GRID2: variants seen among roughly 807,000 people sequenced by gnomAD.
GRID2 encodes the protein glutamate ionotropic receptor delta type subunit 2.
GRID2 carries 33 observed loss-of-function variants against 114.8 expected under a neutral mutation model. The observed-to-expected ratio is 0.29, with a 90% confidence interval of 0.22 to 0.38. The LOEUF (loss-of-function observed/expected upper bound fraction) is 0.38, where lower values mean the gene tolerates loss of function less well. GRID2 is among the 10% of genes least tolerant of loss of function. The pLI, the probability that GRID2 is intolerant of heterozygous loss-of-function variation, is 1.00. For synonymous variants in GRID2, 505 were observed against 449.9 expected (o/e 1.12, Z -1.55); for missense variants, 1,184 against 1,257.7 (o/e 0.94, Z 0.89).
intron 2 of GRID2, among the ~76,000 whole-genome samples, chr4:92,937,988 A>C (rs956852887): frequency 6.8e-6 from 1 of 146,878 alleles, no homozygotes; most frequent in Non-Finnish European, 1.5e-5. Context: ...GTTTTCCACA[A>C]ATGCCCTTTA....
At chr4:93,019,364 C>T (rs192481443) in intron 2 of GRID2, among the ~76,000 whole-genome samples, 4 of 152,156 alleles carry the variant, frequency 2.6e-5, no homozygotes, top group African/African-American at 9.6e-5. Context: ...TTGAGTTTTT[C>T]AAGCTGTCTT....
chr4:93,539,247 A>C (rs1316635616), intron 13 of GRID2, among the ~76,000 whole-genome samples: 1 of 151,972 alleles, frequency 6.6e-6, no homozygotes, highest in Non-Finnish European at 1.5e-5. Context: ...AATTGTACTC[A>C]TATCAATATA....
intron 2 of GRID2, among the ~76,000 whole-genome samples, chr4:92,606,237 C>G (rs1031839744): frequency 6.6e-6 from 1 of 151,998 alleles, no homozygotes; most frequent in Non-Finnish European, 1.5e-5. Flanking sequence ...TTATTCATAA[C>G]TTATCACATC....
rs538140393 is a variant in GRID2 at position 93,726,692 on chromosome 4, G to A, written c.2361-42518G>A. On this transcript the variant is annotated intron_variant, in intron 14 of 15. Transcript: ENST00000282020. ...GTGGTTTGTAGTTCTCCTTGAAGAG[G>A]TCCTTCACATCTCTTGTAAGTTGAA... Among the ~76,000 whole-genome samples the A allele has an allele frequency of 1.1e-4, 16 of 150,476 alleles. No individual in the cohort carries two copies. In the South Asian group the frequency reaches 3.4e-3, roughly 32 times the overall value.
intron 2 of GRID2, among the ~76,000 whole-genome samples, chr4:93,069,948 G>A (rs932681941): frequency 2.0e-5 from 3 of 152,016 alleles, no homozygotes; most frequent in African/African-American, 7.2e-5. Context: ...GGGCTTACTT[G>A]GTTGTTGGTT....
intron 2 of GRID2, among the ~76,000 whole-genome samples, chr4:92,746,390 C>G (rs952440642): frequency 6.6e-6 from 1 of 151,862 alleles, no homozygotes; most frequent in African/African-American, 2.4e-5. Flanking sequence ...TAGTTTTATC[C>G]TATGATTAGT....
At chr4:93,488,220 TC>T (rs142885213) in intron 11 of GRID2, among the ~76,000 whole-genome samples, 2,223 of 152,036 alleles carry the variant, frequency 0.015, 48 homozygotes, top group East Asian at 0.11. Context: ...GACCAGAAAA[TC>T]CTCATATGGA....
chr4:92,304,584 A>C lies in GRID2; in HGVS notation c.-73A>C. 1 of 996,244 alleles carries C rather than the reference A, an allele frequency of 1.0e-6. No homozygotes were observed. Among genetic ancestry groups the C allele is most frequent in the Non-Finnish European group, 1.6e-6 (1 of 621,686 alleles). The allele number at this position is 996,244 out of a possible 1,614,324, so 61.7% of individuals were successfully genotyped here. A position where few individuals can be genotyped will look rare whatever the true frequency, so the allele number is the denominator to read the frequency against. ...TGCGCTAAACTCCACCGTGACCTCA[A>C]ACTCTTTGGACTGTTTGAAAAAAAA... On this transcript the variant is annotated 5_prime_UTR_variant, in exon 1 of 16. Transcript: ENST00000282020.
At chr4:93,725,058 T>A (rs1199971588) in intron 14 of GRID2, among the ~76,000 whole-genome samples, 1 of 152,182 alleles carries the variant, frequency 6.6e-6, no homozygotes, top group Non-Finnish European at 1.5e-5. Context: ...TATGTATACA[T>A]GTGCCATGTT....
intron 8 of GRID2, among the ~76,000 whole-genome samples, chr4:93,382,424 C>A (rs1763941798): frequency 6.6e-6 from 1 of 151,876 alleles, no homozygotes; most frequent in Non-Finnish European, 1.5e-5. Flanking sequence ...TTTCTTTAAT[C>A]TTTTTTCTTT....
intron 1 of GRID2, among the ~76,000 whole-genome samples, chr4:92,425,683 T>C (rs113402155): frequency 0.019 from 2,947 of 152,196 alleles, 96 homozygotes; most frequent in African/African-American, 0.068. Context: ...CAGGCATTAC[T>C]GAAGTGCCAA....
intron 14 of GRID2, among the ~76,000 whole-genome samples, chr4:93,673,323 TA>T (rs895988435): frequency 2.6e-5 from 4 of 152,284 alleles, no homozygotes; most frequent in African/African-American, 9.6e-5. Context: ...TTTTATGTTT[TA>T]AAAAAATTAT....
chr4:92,870,023 C>T (rs1460196328), intron 2 of GRID2, among the ~76,000 whole-genome samples: 33 of 151,350 alleles, frequency 2.2e-4, no homozygotes, highest in South Asian at 2.1e-4. Context: ...AGTGAGACCC[C>T]GTCTCCACAA....
chr4:92,972,419 G>A (rs1412584709), intron 2 of GRID2, among the ~76,000 whole-genome samples: 2 of 151,778 alleles, frequency 1.3e-5, no homozygotes, highest in South Asian at 4.2e-4. Flanking sequence ...GACTGTGGGG[G>A]ACATGAATAA....
intron 13 of GRID2, among the ~76,000 whole-genome samples, chr4:93,594,597 A>T (rs1457270978): frequency 2.6e-5 from 4 of 151,796 alleles, no homozygotes; most frequent in East Asian, 3.9e-4. Flanking sequence ...TCGAGCTTCC[A>T]GGCTGCTTTG....
At chr4:93,376,971 A>G (rs1285034367) in intron 8 of GRID2, among the ~76,000 whole-genome samples, 1 of 152,244 alleles carries the variant, frequency 6.6e-6, no homozygotes, top group East Asian at 1.9e-4. Flanking sequence ...GTACCTGCAC[A>G]TGAACTAAAA....
chr4:93,456,172 C>T (rs1449291273), intron 11 of GRID2, among the ~76,000 whole-genome samples, 198 bp downstream of exon 11: 1 of 152,080 alleles, frequency 6.6e-6, no homozygotes, highest in Non-Finnish European at 1.5e-5. Context: ...AATAATGGTT[C>T]ATTGTCTTTT....
intron 2 of GRID2, among the ~76,000 whole-genome samples, chr4:92,617,097 A>G (rs960789871): frequency 7.3e-5 from 11 of 151,476 alleles, no homozygotes; most frequent in Admixed American, 2.0e-4. Flanking sequence ...TTGAAACTAT[A>G]TAATATATAG....
Position 93,772,728 on chromosome 4 carries a change from T to C in GRID2, c.*230T>C, listed in dbSNP as rs201265146. The C allele has an allele frequency of 1.5e-4, 77 of 510,540 alleles. 1 individual carries two copies. In the East Asian group the frequency reaches 2.3e-3, roughly 15 times the overall value. The allele number at this position is 510,540 out of a possible 1,614,324, so 31.6% of individuals were successfully genotyped here. ...CTCCACTTTTTTTCATTACTCAACT[T>C]GTTCCCCAAGAAGGTAGTGTACTAG... On this transcript the variant is annotated 3_prime_UTR_variant, in exon 16 of 16. Transcript: ENST00000282020.
Sources: allele counts gnomAD v4.1 joint callset (sites outside exome capture counted in the v4.1 genomes callset), GRCh38; gene constraint gnomAD v4.1.1; transcripts MANE v1.5; gene names NCBI Gene and HGNC (gene_info 2026-07-23, HGNC 2026-07-21).